SPOCK1: variants seen among roughly 807,000 people sequenced by gnomAD.
The protein encoded by SPOCK1 is testican-1.
SPOCK1 carries 23 observed loss-of-function variants against 55.3 expected under a neutral mutation model. The ratio of observed to expected loss-of-function variants is 0.42; its 90% CI spans 0.30 to 0.59. The LOEUF is 0.59. Among genes scored for constraint, SPOCK1 ranks in the 20% least tolerant of loss-of-function variants. SPOCK1 has a pLI of 0.22. For missense variants in SPOCK1, 499 were observed against 552.5 expected, an observed-to-expected ratio of 0.90 and a Z score of 0.97; for synonymous variants, 226 against 221.0, an observed-to-expected ratio of 1.02 and a Z score of -0.20.
chr5:137,226,891 A>G (rs1404993238), intron 3 of SPOCK1, among the ~76,000 whole-genome samples: 4 of 152,330 alleles, frequency 2.6e-5, no homozygotes, highest in African/African-American at 7.2e-5. Context: ...TTGTGAGGCC[A>G]AGATCCATAT....
intron 6 of SPOCK1, among the ~76,000 whole-genome samples, chr5:137,011,317 G>A (rs1751344000): frequency 6.6e-6 from 1 of 152,186 alleles, no homozygotes; most frequent in Non-Finnish European, 1.5e-5. Flanking sequence ...AAATAATGGT[G>A]TGGAGCACAG....
intron 2 of SPOCK1, among the ~76,000 whole-genome samples, chr5:137,299,263 C>T (rs1757543110): frequency 6.6e-6 from 1 of 152,100 alleles, no homozygotes; most frequent in Non-Finnish European, 1.5e-5. Context: ...TCCCCACATC[C>T]TGTTCCTACA....
rs1450109691 is a variant in SPOCK1, at chr5:137,032,300, T to C, written c.589+35415A>G. ...CAGTAGGTTAGCGTGGCTTCATGAGTTGACAAAGAAAAGAGGATTCTCAGG... is the reference window on the plus strand; with the variant it reads ...CAGTAGGTTAGCGTGGCTTCATGAGCTGACAAAGAAAAGAGGATTCTCAGG... On this transcript the variant is annotated intron_variant, in intron 6 of 10. Transcript: ENST00000394945. 3.3e-5 allele frequency among the ~76,000 whole-genome samples: 5 copies of C among 151,914 alleles called. No individual in the cohort carries two copies. In the East Asian group the frequency reaches 9.7e-4, roughly 29 times the overall value.
chr5:137,366,557 A>C (rs1751067629), intron 2 of SPOCK1, among the ~76,000 whole-genome samples: 1 of 152,068 alleles, frequency 6.6e-6, no homozygotes, highest in Non-Finnish European at 1.5e-5. Flanking sequence ...CTTCCACCAA[A>C]CTTGCCTAGG....
chr5:137,083,742 T>C (rs1302543901), intron 5 of SPOCK1, among the ~76,000 whole-genome samples: 1 of 152,158 alleles, frequency 6.6e-6, no homozygotes, highest in Non-Finnish European at 1.5e-5. Flanking sequence ...ATGTTACATT[T>C]GGGACACACA....
chr5:137,129,992 C>G (rs2127043773), intron 4 of SPOCK1, among the ~76,000 whole-genome samples: 1 of 152,198 alleles, frequency 6.6e-6, no homozygotes, highest in Admixed American at 6.5e-5. Context: ...CTTTCTTCCC[C>G]CCTCATCCTT....
intron 2 of SPOCK1, among the ~76,000 whole-genome samples, chr5:137,294,073 T>G (rs558900884): frequency 1.3e-5 from 2 of 152,322 alleles, no homozygotes; most frequent in African/African-American, 4.8e-5. Context: ...GCCACTGGGC[T>G]AATGACCTCT....
rs747142799 is a variant in SPOCK1, at chr5:137,384,576, A to ATATATATATATATATATATATATATATG, written c.186+113796_186+113797insCATATATATATATATATATATATATATA. ...TATACATACATACATATATATATAT[A>ATATATATATATATATATATATATATATG]TATGTATGTATTTTTTTTTCCCCCT... On this transcript the variant is annotated intron_variant, in intron 2 of 10. Transcript: ENST00000394945. 2.8e-3 allele frequency among the ~76,000 whole-genome samples: 396 copies of ATATATATATATATATATATATATATATG among 140,108 alleles called. 5 individuals carry two copies. The highest frequency in any genetic ancestry group is 0.011 in the African/African-American group (378 of 35,878). The allele number at this position is 140,108 out of a possible 152,430, so 91.9% of individuals were successfully genotyped here.
intron 6 of SPOCK1, among the ~76,000 whole-genome samples, chr5:137,064,094 G>A (rs979895713): frequency 2.2e-4 from 34 of 152,180 alleles, no homozygotes; most frequent in African/African-American, 7.0e-4. Flanking sequence ...CAGGTCTCTC[G>A]GTAGATGCAG....
At chr5:137,377,985 C>T (rs1163710344) in intron 2 of SPOCK1, among the ~76,000 whole-genome samples, 6 of 126,748 alleles carry the variant, frequency 4.7e-5, no homozygotes, top group Non-Finnish European at 7.9e-5. Context: ...GCTCTTGTAG[C>T]CCAGGCTGGA....
At chr5:137,420,269 T>C (rs1247899072) in intron 2 of SPOCK1, among the ~76,000 whole-genome samples, 1 of 152,226 alleles carries the variant, frequency 6.6e-6, no homozygotes, top group African/African-American at 2.4e-5. Context: ...TTTTTTGTTG[T>C]GTCTCTGCCA....
intron 2 of SPOCK1, among the ~76,000 whole-genome samples, chr5:137,489,132 G>C (rs1413110450): frequency 1.3e-5 from 2 of 152,128 alleles, no homozygotes; most frequent in African/African-American, 4.8e-5. Flanking sequence ...TCTGTCATAG[G>C]AACAATGGGC....
chr5:137,204,507 G>C (rs749393007), intron 3 of SPOCK1, among the ~76,000 whole-genome samples: 31 of 151,860 alleles, frequency 2.0e-4, no homozygotes, highest in Middle Eastern at 3.2e-3. Context: ...AGAAATCTAA[G>C]AGCCAACCTT....
intron 2 of SPOCK1, among the ~76,000 whole-genome samples, chr5:137,301,608 C>T (rs1274515049): frequency 6.9e-6 from 1 of 145,000 alleles, no homozygotes; most frequent in African/African-American, 2.6e-5. Flanking sequence ...GAACTACCAG[C>T]AAACATACTC....
At chr5:137,231,591 A>G (rs553287571) in intron 3 of SPOCK1, among the ~76,000 whole-genome samples, 31 of 152,362 alleles carry the variant, frequency 2.0e-4, no homozygotes, top group African/African-American at 7.0e-4. Context: ...ATTGCAAAGT[A>G]CTATTCCATG....
chr5:137,042,427 C>T (rs1326667614), intron 6 of SPOCK1, among the ~76,000 whole-genome samples: 1 of 152,172 alleles, frequency 6.6e-6, no homozygotes. Context: ...CAGAACTTTA[C>T]AGCGTAGAGT....
intron 4 of SPOCK1, among the ~76,000 whole-genome samples, chr5:137,136,750 A>G (rs1331060272): frequency 2.6e-5 from 4 of 152,222 alleles, no homozygotes; most frequent in East Asian, 3.8e-4. Context: ...CTGTCTTCAC[A>G]CTGCTCTTTT....
At chr5:137,010,779 ACCAGGTACCTACCACATG>A (rs1751334246) in intron 6 of SPOCK1, among the ~76,000 whole-genome samples, 1 of 152,150 alleles carries the variant, frequency 6.6e-6, no homozygotes, top group Admixed American at 6.6e-5. Flanking sequence ...AACAGGAATT[ACCAGGTACCTACCACATG>A]CCGAAATTGG....
intron 5 of SPOCK1, among the ~76,000 whole-genome samples, chr5:137,090,537 G>A (rs1051049653): frequency 6.6e-6 from 1 of 152,158 alleles, no homozygotes; most frequent in Non-Finnish European, 1.5e-5. Flanking sequence ...TCAACTCCTT[G>A]AGGACAAGGC....
Sources: allele counts gnomAD v4.1 joint callset (sites outside exome capture counted in the v4.1 genomes callset), GRCh38; gene constraint gnomAD v4.1.1; transcripts MANE v1.5; gene names NCBI Gene and HGNC (gene_info 2026-07-23, HGNC 2026-07-21).